The following TRIM14 variants were observed in gnomAD, a reference collection of about 807,000 sequenced individuals.
TRIM14 encodes the protein tripartite motif containing 14.
A neutral mutation model predicts 44.5 loss-of-function variants in TRIM14; 28 were observed. The ratio of observed to expected loss-of-function variants is 0.63; its 90% CI spans 0.47 to 0.86. TRIM14 has a LOEUF of 0.86. Among genes scored for constraint, TRIM14 ranks in the 40% least tolerant of loss-of-function variants. The pLI is 0.00. For missense variants in TRIM14, 607 were observed against 611.1 expected (o/e 0.99, Z 0.07); for synonymous variants, 299 against 269.2 (o/e 1.11, Z -1.08).
Position 98,084,481 on chromosome 9 carries a change from G to C in TRIM14, c.*2989C>G, listed in dbSNP as rs1180364250. 1 of 152,168 alleles carries C rather than the reference G, an allele frequency of 6.6e-6. No individual in the cohort carries two copies. 9.4% of individuals were successfully genotyped at this position (152,168 alleles called of 1,614,324 possible). A position where few individuals can be genotyped will look rare whatever the true frequency, so the allele number is the denominator to read the frequency against. On this transcript the variant is annotated 3_prime_UTR_variant, in exon 6 of 6. Coordinates refer to ENST00000341469, the MANE Select transcript of TRIM14 (RefSeq NM_014788.4). Reference sequence around the variant, plus strand: ...CAGATTCAAGTCTGAAAGAGAAGAAGGTAAGTGATCAGTAACCCTTACAGA... The same window carrying C: ...CAGATTCAAGTCTGAAAGAGAAGAACGTAAGTGATCAGTAACCCTTACAGA...
intron 2 of TRIM14, among the ~76,000 whole-genome samples, chr9:98,107,334 C>A (rs950452786): frequency 6.6e-6 from 1 of 152,140 alleles, no homozygotes; most frequent in Non-Finnish European, 1.5e-5. Flanking sequence ...GAAACCTGGA[C>A]ACAACTGTTC....
the TRIM14 span, among the ~76,000 whole-genome samples, chr9:98,054,550 TACAA>T: frequency 6.6e-6 from 1 of 152,160 alleles, no homozygotes; most frequent in Non-Finnish European, 1.5e-5. Context: ...ATGATGGGGC[TACAA>T]ACAGACACTG....
In TRIM14 at chr9:98,087,950, G is replaced by A; in HGVS notation, c.849C>T (p.Ser283=). Residue 283 remains serine (S), a synonymous_variant, in exon 6 of 6, where the codon TCC becomes TCT. Transcript: ENST00000341469. ...PDTMHARLRL[S]ADRLTVRCGL... ...CGCAGCGCACCGTCAGGCGATCGGC[G>A]GACAGGCGCAGGCGCGCGTGCATCG... 2 of 1,566,136 alleles carry A rather than the reference G, an allele frequency of 1.3e-6. No homozygotes were observed. Among genetic ancestry groups the A allele is most frequent in the Non-Finnish European group, 1.7e-6 (2 of 1,166,634 alleles).
At chr9:98,082,778 TGTAAA>T (rs1023036606), downstream of TRIM14, 10 of 1,471,948 alleles carry the variant, frequency 6.8e-6, no homozygotes, top group African/African-American at 1.4e-5. Context: ...GGACCTTGAG[TGTAAA>T]GTAAAGTAGT....
chr9:98,056,848 G>C, the TRIM14 span: 2 of 1,612,276 alleles, frequency 1.2e-6, no homozygotes, highest in Admixed American at 3.3e-5. Flanking sequence ...GCGCTGGGTG[G>C]GCGGGCAACA....
At chr9:98,050,435 T>TCC in the TRIM14 span, among the ~76,000 whole-genome samples, 1 of 152,160 alleles carries the variant, frequency 6.6e-6, no homozygotes, top group Non-Finnish European at 1.5e-5. Context: ...GAGTAGAGGG[T>TCC]ACCTCCTTAT....
intron 3 of TRIM14, among the ~76,000 whole-genome samples, chr9:98,098,646 G>A (rs1022512730): frequency 2.6e-5 from 4 of 151,620 alleles, no homozygotes; most frequent in Non-Finnish European, 4.4e-5. Flanking sequence ...GGAGCTTGCT[G>A]TAAGCCGAGA....
chr9:98,087,306 G>A lies in TRIM14; in HGVS notation c.*164C>T, dbSNP rs766198439. ...GCCTGTTTGAAACTAGCCTAGGAGA[G>A]GAAACCTTCAAAGCACTGTAGGCGT... On this transcript the variant is annotated 3_prime_UTR_variant, in exon 6 of 6. Coordinates refer to ENST00000341469, the MANE Select transcript of TRIM14 (RefSeq NM_014788.4). 2.5e-5 allele frequency: 28 copies of A among 1,131,694 alleles called. 2 individuals are homozygous for A. The South Asian group carries it at 3.2e-4, about 13-fold the overall frequency. 70.1% of individuals were successfully genotyped at this position (1,131,694 alleles called of 1,614,324 possible). A position where few individuals can be genotyped will look rare whatever the true frequency, so the allele number is the denominator to read the frequency against.
rs745398502 is a variant in TRIM14, at chr9:98,119,138, G to C, written c.51C>G (p.Val17=). ...GSRTPGRSEL[V]EGCGWRCPEH... ...CCGGGCAGCGCCAGCCGCATCCCTC[G>C]ACAAGCTCCGACCTCCCAGGGGTCC... Residue 17 remains valine, a synonymous_variant, in exon 1 of 6, where the codon GTC becomes GTG. Transcript: ENST00000341469. The C allele has an allele frequency of 1.1e-5, 18 of 1,586,362 alleles. No individual in the cohort carries two copies. The highest frequency in any genetic ancestry group is 4.5e-5 in the South Asian group (4 of 89,302).
At chr9:98,107,596 A>G (rs1241338041) in intron 2 of TRIM14, among the ~76,000 whole-genome samples, 1 of 152,156 alleles carries the variant, frequency 6.6e-6, no homozygotes, top group Non-Finnish European at 1.5e-5. Context: ...TTATCAAACA[A>G]ATTAATAATT....
chr9:98,083,165 C>T (rs532179583), downstream of TRIM14: 19 of 980,306 alleles, frequency 1.9e-5, no homozygotes, highest in Non-Finnish European at 2.3e-5. Context: ...CTGTCATCCA[C>T]CTCCACCTGC....
downstream of TRIM14, among the ~76,000 whole-genome samples, chr9:98,079,606 G>T (rs375057423): frequency 1.4e-3 from 217 of 152,156 alleles, 4 homozygotes; most frequent in South Asian, 0.043. Context: ...AATGATTTCT[G>T]TGAAATATGT....
intron 2 of TRIM14, among the ~76,000 whole-genome samples, chr9:98,102,684 G>C (rs1826444022): frequency 6.6e-6 from 1 of 152,168 alleles, no homozygotes; most frequent in Non-Finnish European, 1.5e-5. Context: ...TGGGAGAGGG[G>C]AAATGGGGAG....
the TRIM14 span, among the ~76,000 whole-genome samples, chr9:98,038,877 C>T: frequency 1.3e-5 from 2 of 151,874 alleles, no homozygotes; most frequent in African/African-American, 4.8e-5. Context: ...AGTGAAACCC[C>T]GCCTCTACTA....
intron 6 of TRIM14, chr9:98,075,873 T>C (rs1339296297): frequency 6.6e-6 from 1 of 152,084 alleles, no homozygotes; most frequent in Non-Finnish European, 1.5e-5. Context: ...TAATAAAAAG[T>C]TTTTGAGTTC....
At chr9:98,042,065 C>T in the TRIM14 span, among the ~76,000 whole-genome samples, 23 of 151,260 alleles carry the variant, frequency 1.5e-4, no homozygotes, top group Non-Finnish European at 2.4e-4. Context: ...GAGGCTGAGG[C>T]GGCGGATCAC....
downstream of TRIM14, among the ~76,000 whole-genome samples, chr9:98,067,462 G>A (rs1255334931): frequency 3.3e-5 from 5 of 152,170 alleles, no homozygotes; most frequent in South Asian, 8.3e-4. Flanking sequence ...GTGTCTCATT[G>A]TGGTTGTGAT....
chr9:98,065,614 C>T (rs1829124414), downstream of TRIM14, among the ~76,000 whole-genome samples: 2 of 148,578 alleles, frequency 1.3e-5, no homozygotes, highest in African/African-American at 4.9e-5. Flanking sequence ...GTTAGGATTA[C>T]AGGCGTAAGC....
At position 98,104,760 on chromosome 9, in the gene TRIM14, G is replaced by A. The variant is rs929835796; in HGVS notation, c.304-4596C>T. 1.6e-4 allele frequency among the ~76,000 whole-genome samples: 25 copies of A among 152,150 alleles called. 1 individual carries two copies. The highest frequency in any genetic ancestry group is 1.3e-3 in the Admixed American group (20 of 15,268). On this transcript the variant is annotated intron_variant, in intron 2 of 5. Coordinates refer to ENST00000341469, the MANE Select transcript of TRIM14 (RefSeq NM_014788.4). ...AGAAGCTGAACAGCCATGAAGCCCC[G>A]GTCAGGGAAGGCTGGGGGATTTTGC...
Sources: gnomAD v4.1 joint callset for allele counts (sites outside exome capture counted in the v4.1 genomes callset) on GRCh38, gnomAD v4.1.1 for gene constraint, MANE v1.5 for transcripts, NCBI Gene and HGNC (gene_info 2026-07-23, HGNC 2026-07-21) for gene names.